AFAP1: variants seen among roughly 807,000 people sequenced by gnomAD.
The protein encoded by AFAP1 is actin filament associated protein 1, also known as actin filament-associated protein 1.
AFAP1 carries 75 observed loss-of-function variants against 93.9 expected under a neutral mutation model. That is an observed-to-expected ratio of 0.80 (90% confidence interval 0.66 to 0.97). The LOEUF is 0.97. Ranked by LOEUF, AFAP1 falls within the 50% of genes least tolerant of loss-of-function variation. The pLI, the probability that AFAP1 is intolerant of heterozygous loss-of-function variation, is 0.00. For synonymous variants in AFAP1, 517 were observed against 430.7 expected (o/e 1.20, Z -2.48); for missense variants, 1,201 against 1,050.8 (o/e 1.14, Z -1.98).
chr4:7,931,255 T>C (rs1175286923), intron 1 of AFAP1, among the ~76,000 whole-genome samples: 1 of 152,222 alleles, frequency 6.6e-6, no homozygotes, highest in East Asian at 1.9e-4. Context: ...AGGGAATTGC[T>C]GGGTTTTGTT....
chr4:7,796,369 C>T (rs1054879312), intron 10 of AFAP1, among the ~76,000 whole-genome samples: 5 of 152,314 alleles, frequency 3.3e-5, no homozygotes, highest in Admixed American at 2.6e-4. Context: ...GACAAACAGC[C>T]AGCTCCGAGG....
At chr4:7,911,608 T>G (rs1719735525) in intron 1 of AFAP1, among the ~76,000 whole-genome samples, 1 of 152,212 alleles carries the variant, frequency 6.6e-6, no homozygotes, top group South Asian at 2.1e-4. Flanking sequence ...CATCTCCATT[T>G]TTTAAGAAAT....
At chr4:7,854,597 G>T (rs552855495) in intron 4 of AFAP1, among the ~76,000 whole-genome samples, 121 of 152,336 alleles carry the variant, frequency 7.9e-4, no homozygotes, top group African/African-American at 2.7e-3. Context: ...CAACTTTGGG[G>T]AAAGGGAGAG....
At chr4:7,775,976 G>T (rs781691779) in intron 14 of AFAP1, 2 of 152,168 alleles carry the variant, frequency 1.3e-5, no homozygotes, top group Admixed American at 1.3e-4. Flanking sequence ...CTGACCCCAT[G>T]CTCTCTCCTA....
chr4:7,910,112 T>C (rs1040407766), intron 1 of AFAP1, among the ~76,000 whole-genome samples: 1 of 152,176 alleles, frequency 6.6e-6, no homozygotes, highest in Non-Finnish European at 1.5e-5. Flanking sequence ...GCCTAGGGAC[T>C]GACTCTGAGC....
At chr4:7,867,507 G>A (rs911601363) in intron 3 of AFAP1, among the ~76,000 whole-genome samples, 4 of 152,178 alleles carry the variant, frequency 2.6e-5, no homozygotes, top group Non-Finnish European at 5.9e-5. Flanking sequence ...TCTCCTGTCT[G>A]AGGCATGCTT....
chr4:7,788,282 T>A (rs16841250), intron 11 of AFAP1, among the ~76,000 whole-genome samples: 1,810 of 152,268 alleles, frequency 0.012, 30 homozygotes, highest in African/African-American at 0.041. Context: ...ACAGCGTAAG[T>A]GAAAACCGGG....
intron 3 of AFAP1, among the ~76,000 whole-genome samples, chr4:7,857,774 C>T (rs1462644093): frequency 2.0e-5 from 3 of 152,198 alleles, no homozygotes. Flanking sequence ...CCTGGAAAAG[C>T]ACGACAAATA....
At chr4:7,808,510 A>G (rs530711504) in intron 9 of AFAP1, among the ~76,000 whole-genome samples, 1 of 5,382 alleles carries the variant, frequency 1.9e-4, no homozygotes, top group Non-Finnish European at 2.7e-4. Flanking sequence ...CTGCTCAAAG[A>G]TGACCAAAAG....
Position 7,809,351 on chromosome 4 carries a change from G to A in AFAP1, c.1054+263C>T, listed in dbSNP as rs562825267. Reference sequence around the variant, plus strand: ...TAAAAACACTTCCAAGGGATTTGGGGGAACTTCAGAGGATTAAAGGGAAAT... The same window carrying A: ...TAAAAACACTTCCAAGGGATTTGGGAGAACTTCAGAGGATTAAAGGGAAAT... On this transcript the variant is annotated intron_variant, in intron 9 of 17. Transcript: ENST00000420658. 3.8e-5 allele frequency: 10 copies of A among 263,932 alleles called. No homozygotes were observed. The Admixed American group carries it at 4.3e-4, about 11-fold the overall frequency. 16.3% of individuals were successfully genotyped at this position (263,932 alleles called of 1,614,324 possible). A position where few individuals can be genotyped will look rare whatever the true frequency, so the allele number is the denominator to read the frequency against.
chr4:7,788,343 C>T (rs188659938), intron 11 of AFAP1, among the ~76,000 whole-genome samples: 19 of 152,388 alleles, frequency 1.2e-4, no homozygotes, highest in African/African-American at 4.6e-4. Context: ...AGAAGTCTGG[C>T]AGCGTAGCCT....
chr4:7,858,015 A>G (rs1245770317), intron 3 of AFAP1, among the ~76,000 whole-genome samples: 1 of 152,250 alleles, frequency 6.6e-6, no homozygotes, highest in East Asian at 1.9e-4. Flanking sequence ...ATGTTCAATA[A>G]AAGTTTGTTT....
Position 7,772,989 on chromosome 4 carries a change from A to G in AFAP1, c.2084T>C (p.Leu695Pro). The G allele has an allele frequency of 6.2e-7, 1 of 1,611,222 alleles. No homozygotes were observed. The highest frequency in any genetic ancestry group is 1.1e-5 in the South Asian group (1 of 91,058). Residue 695 changes from leucine (L) to proline (P), a missense_variant, in exon 16 of 18, where the codon CTG becomes CCG. Coordinates refer to ENST00000420658, the MANE Select transcript of AFAP1 (RefSeq NM_001134647.2). ...CTCCAGCTGCTTCAGCTTCTCCTCCAGGATCGCCTGCGGCTTCCTGCCTGG... is the reference window on the plus strand; with the variant it reads ...CTCCAGCTGCTTCAGCTTCTCCTCCGGGATCGCCTGCGGCTTCCTGCCTGG... Reference protein sequence around the residue: ...VNAGRKPQAILEEKLKQLEEE... With the variant: ...VNAGRKPQAIPEEKLKQLEEE...
intron 3 of AFAP1, among the ~76,000 whole-genome samples, chr4:7,864,634 C>G (rs1306981322): frequency 1.3e-5 from 2 of 152,204 alleles, no homozygotes; most frequent in African/African-American, 2.4e-5. Context: ...AGGCTCCTCC[C>G]TGGGGTGCCC....
chr4:7,821,131 T>C (rs967033578), intron 6 of AFAP1, among the ~76,000 whole-genome samples: 1 of 152,030 alleles, frequency 6.6e-6, no homozygotes, highest in Non-Finnish European at 1.5e-5. Context: ...AAAATATATA[T>C]ATACATATAT....
intron 1 of AFAP1, among the ~76,000 whole-genome samples, chr4:7,929,773 G>C (rs149269670): frequency 1.3e-5 from 2 of 152,218 alleles, no homozygotes; most frequent in Admixed American, 6.5e-5. Context: ...ATGAGGGAGG[G>C]AGTGGATGAG....
intron 6 of AFAP1, among the ~76,000 whole-genome samples, chr4:7,830,204 A>G (rs1721768556): frequency 2.0e-5 from 3 of 152,194 alleles, no homozygotes; most frequent in African/African-American, 4.8e-5. Flanking sequence ...GCCTATGTAC[A>G]AGGAAACTCT....
intron 1 of AFAP1, among the ~76,000 whole-genome samples, chr4:7,891,055 T>G (rs1198522424): frequency 6.6e-6 from 1 of 151,804 alleles, no homozygotes; most frequent in East Asian, 1.9e-4. Context: ...GTTCACACAA[T>G]GGAATCTTTT....
intron 1 of AFAP1, among the ~76,000 whole-genome samples, chr4:7,900,038 AC>A (rs975590675): frequency 1.1e-4 from 17 of 152,174 alleles, no homozygotes; most frequent in African/African-American, 2.9e-4. Context: ...CATGGCAAAT[AC>A]CCCCAGCAAC....
Sources: allele counts gnomAD v4.1 joint callset (sites outside exome capture counted in the v4.1 genomes callset), GRCh38; gene constraint gnomAD v4.1.1; transcripts MANE v1.5; gene names NCBI Gene and HGNC (gene_info 2026-07-23, HGNC 2026-07-21).